The following ERICH6 variants were observed in gnomAD, a reference collection of about 807,000 sequenced individuals.
ERICH6 encodes glutamate-rich protein 6.
ERICH6 carries 71 observed loss-of-function variants against 71.0 expected under a neutral mutation model. The observed-to-expected ratio is 1.00, with a 90% CI of 0.83 to 1.22. ERICH6 has a LOEUF of 1.22. Ranked by LOEUF, ERICH6 falls within the 50% of genes most tolerant of loss-of-function variation. The pLI is 0.00. For missense variants in ERICH6, 808 were observed against 797.2 expected (o/e 1.01, Z -0.16); for synonymous variants, 262 against 278.4 (o/e 0.94, Z 0.59).
chr3:150,664,097 G>A (rs993750295), intron 13 of ERICH6, among the ~76,000 whole-genome samples: 2 of 152,014 alleles, frequency 1.3e-5, no homozygotes, highest in Non-Finnish European at 2.9e-5. Flanking sequence ...CAGCCTGTGA[G>A]GTACAGGGAA....
chr3:150,686,776 T>C (rs935213822), intron 3 of ERICH6, among the ~76,000 whole-genome samples: 7 of 152,206 alleles, frequency 4.6e-5, no homozygotes, highest in Admixed American at 4.6e-4. Flanking sequence ...TTAAATGAAG[T>C]CAATAACTTT....
chr3:150,665,308 A>G (rs951689717), intron 13 of ERICH6, among the ~76,000 whole-genome samples: 87 of 152,066 alleles, frequency 5.7e-4, no homozygotes, highest in African/African-American at 2.1e-3. Flanking sequence ...ATTTCCACAT[A>G]CTTAAAAGTT....
At position 150,673,948 on chromosome 3, in the gene ERICH6, G is replaced by C; in HGVS notation, c.1343+8C>G. The C allele has an allele frequency of 6.2e-7, 1 of 1,611,014 alleles. No homozygotes were observed. Among genetic ancestry groups the C allele is most frequent in the South Asian group, 1.1e-5 (1 of 90,476 alleles). ...AGCTAATAAAAATAACTTGTTGAAA[G>C]AGGATACAATATTTGTGTTGTCCCA... On this transcript the variant is annotated splice_region_variant and intron_variant, in intron 11 of 13. Transcript: ENST00000295910.
chr3:150,669,567 C>A, intron 11 of ERICH6, 116 bp from the exon 12 acceptor site: 3 of 1,113,860 alleles, frequency 2.7e-6, no homozygotes, highest in Non-Finnish European at 3.9e-6. Context: ...ATGGGAGGTA[C>A]TATATTAATA....
chr3:150,680,453 C>T lies in ERICH6; in HGVS notation c.1111+15G>A. On this transcript the variant is annotated intron_variant, in intron 9 of 13. Transcript: ENST00000295910. Reference sequence around the variant, plus strand: ...TTGTACAGCTGGTCTATAAGATCAGCACTAATGAACTCACCATCTTCAGAG... The same window carrying T: ...TTGTACAGCTGGTCTATAAGATCAGTACTAATGAACTCACCATCTTCAGAG... 3 of 1,612,976 alleles carry T rather than the reference C, an allele frequency of 1.9e-6. No homozygotes were observed. Among genetic ancestry groups the T allele is most frequent in the Non-Finnish European group, 2.5e-6 (3 of 1,179,012 alleles).
intron 11 of ERICH6, 55 bp from the exon 12 acceptor site, chr3:150,669,506 A>T (rs1711497139): frequency 6.4e-7 from 1 of 1,572,222 alleles, no homozygotes. Context: ...CTATTCTGGG[A>T]ACAAATTCAA....
At chr3:150,684,192 C>T (rs1042173289) in intron 6 of ERICH6, among the ~76,000 whole-genome samples, 2 of 151,958 alleles carry the variant, frequency 1.3e-5, no homozygotes, top group South Asian at 2.1e-4. Flanking sequence ...TTCAGCCCAC[C>T]CTGGGCAATA....
chr3:150,703,231 A>C (rs958405071), intron 1 of ERICH6, among the ~76,000 whole-genome samples: 5 of 152,002 alleles, frequency 3.3e-5, no homozygotes, highest in African/African-American at 9.7e-5. Flanking sequence ...GTCTAAAAAA[A>C]AAAAAGCACT....
intron 13 of ERICH6, among the ~76,000 whole-genome samples, chr3:150,664,876 G>T (rs1021739141): frequency 3.3e-5 from 5 of 151,082 alleles, no homozygotes; most frequent in African/African-American, 1.2e-4. Context: ...AAAACCTAAA[G>T]GGTGATTATG....
At chr3:150,700,862 G>A (rs1712845853) in intron 2 of ERICH6, among the ~76,000 whole-genome samples, 2 of 152,302 alleles carry the variant, frequency 1.3e-5, no homozygotes, top group Non-Finnish European at 2.9e-5. Context: ...GATTACAGGT[G>A]TGAGCCACTG....
intron 3 of ERICH6, among the ~76,000 whole-genome samples, chr3:150,695,211 C>T (rs1009960366): frequency 2.0e-5 from 3 of 152,098 alleles, no homozygotes; most frequent in Non-Finnish European, 2.9e-5. Flanking sequence ...ACTATTCACA[C>T]GAAATGTAAT....
rs1164795342 is a variant in ERICH6, at chr3:150,673,977, G to A, written c.1322C>T (p.Pro441Leu). ...ATACAATATTTGTGTTGTCCCATCTGGAAATGAAGTCAGAAACTTGCTCCC... is the reference window on the plus strand; with the variant it reads ...ATACAATATTTGTGTTGTCCCATCTAGAAATGAAGTCAGAAACTTGCTCCC... Reference protein sequence around the residue: ...KHGSKFLTSFPDGTTQIFYPS... With the variant: ...KHGSKFLTSFLDGTTQIFYPS... Residue 441 changes from proline (P) to leucine (L), a missense_variant, in exon 11 of 14, where the codon CCA (proline) becomes CTA (leucine). Coordinates refer to ENST00000295910, the MANE Select transcript of ERICH6 (RefSeq NM_152394.5). 1.9e-6 allele frequency: 3 copies of A among 1,613,850 alleles called. No homozygotes were observed. Among genetic ancestry groups the A allele is most frequent in the Admixed American group, 1.7e-5 (1 of 59,978 alleles).
chr3:150,686,069 A>T (rs770961543), intron 4 of ERICH6, 48 bp from the exon 5 acceptor site: 7 of 1,444,968 alleles, frequency 4.8e-6, no homozygotes, highest in Non-Finnish European at 6.8e-6. Flanking sequence ...GCCTTTGTGC[A>T]GTGCATTCCA....
At chr3:150,697,134 G>T (rs1712684065) in intron 3 of ERICH6, among the ~76,000 whole-genome samples, 1 of 151,996 alleles carries the variant, frequency 6.6e-6, no homozygotes, top group Non-Finnish European at 1.5e-5. Context: ...AAAGCAAGTG[G>T]AACAACAGAT....
chr3:150,686,634 A>T (rs1413090241), intron 3 of ERICH6, among the ~76,000 whole-genome samples: 1 of 152,208 alleles, frequency 6.6e-6, no homozygotes, highest in East Asian at 1.9e-4. Context: ...CAAAATCCTG[A>T]GTGGATGCCT....
chr3:150,697,900 A>G (rs916692087), intron 3 of ERICH6, among the ~76,000 whole-genome samples: 7 of 151,998 alleles, frequency 4.6e-5, no homozygotes, highest in Non-Finnish European at 1.0e-4. Flanking sequence ...CTCCCTGCTT[A>G]CTCCACTGCA....
rs1711497182 is a variant in ERICH6, at chr3:150,669,570, T to C, written c.1344-119A>G. 5 of 1,070,512 alleles carry C rather than the reference T, an allele frequency of 4.7e-6. No individual in the cohort carries two copies. The East Asian group carries it at 7.8e-5, about 17-fold the overall frequency. The allele number at this position is 1,070,512 out of a possible 1,614,324, so 66.3% of individuals were successfully genotyped here. ...AGCATTCTGAAAATGGGAGGTACTATATTAATACAAAAGATTTTATGCTTT... is the reference window on the plus strand; with the variant it reads ...AGCATTCTGAAAATGGGAGGTACTACATTAATACAAAAGATTTTATGCTTT... On this transcript the variant is annotated intron_variant, in intron 11 of 13. Coordinates refer to ENST00000295910, the MANE Select transcript of ERICH6 (RefSeq NM_152394.5).
rs1161627612 is a variant in ERICH6, at chr3:150,703,889, A to C, written c.10T>G (p.Leu4Val). Residue 4 changes from leucine to valine, a missense_variant, in exon 1 of 14, where the codon TTG becomes GTG. Physicochemically the swap from Leu to Val is conservative, Grantham distance 32. Transcript: ENST00000295910. MAH[L>V]RSPSGFGDPG... Reference sequence around the variant, plus strand: ...TCTCCGAAGCCGCTAGGCGAGCGCAAGTGGGCCATGGCTGGCGGGAGGCGG... The same window carrying C: ...TCTCCGAAGCCGCTAGGCGAGCGCACGTGGGCCATGGCTGGCGGGAGGCGG... The C allele has an allele frequency of 3.0e-5, 49 of 1,613,342 alleles. No homozygotes were observed. The highest frequency in any genetic ancestry group is 3.5e-5 in the Non-Finnish European group (41 of 1,179,844).
At chr3:150,671,454 T>C (rs115368766) in intron 11 of ERICH6, among the ~76,000 whole-genome samples, 16 of 152,322 alleles carry the variant, frequency 1.1e-4, no homozygotes, top group African/African-American at 3.8e-4. Flanking sequence ...AATAACTTGG[T>C]GTTCCATGAA....
Sources: gnomAD v4.1 joint callset for allele counts (sites outside exome capture counted in the v4.1 genomes callset) on GRCh38, gnomAD v4.1.1 for gene constraint, MANE v1.5 for transcripts, NCBI Gene and HGNC (gene_info 2026-07-23, HGNC 2026-07-21) for gene names.